The following CDH13 variants were observed in gnomAD, a reference collection of about 807,000 sequenced individuals.
The protein encoded by CDH13 is cadherin-13.
In CDH13, 24 loss-of-function variants were observed where a neutral mutation model predicts 63.8. The observed-to-expected ratio is 0.38, with a 90% CI of 0.27 to 0.53. The LOEUF (loss-of-function observed/expected upper bound fraction) is 0.53. Among genes scored for constraint, CDH13 ranks in the 20% least tolerant of loss-of-function variants. The probability of loss-of-function intolerance (pLI) is 0.85; values close to 1 mark genes in which losing one functional copy is unlikely to be tolerated. For missense variants in CDH13, 1,049 were observed against 903.1 expected, an observed-to-expected ratio of 1.16 and a Z score of -2.07; for synonymous variants, 503 against 355.3, an observed-to-expected ratio of 1.42 and a Z score of -4.67.
At chr16:83,010,392 C>T (rs117667320) in intron 2 of CDH13, among the ~76,000 whole-genome samples, 12 of 151,996 alleles carry the variant, frequency 7.9e-5, no homozygotes, top group East Asian at 1.9e-4. Context: ...CAGAGATGCA[C>T]GACTGTCAGA....
intron 10 of CDH13, among the ~76,000 whole-genome samples, chr16:83,681,912 A>G (rs1013677381): frequency 4.6e-5 from 7 of 152,138 alleles, no homozygotes; most frequent in Non-Finnish European, 1.0e-4. Context: ...ATGATTCTTC[A>G]GGGAGCAGGC....
At chr16:83,072,888 C>G (rs3935907) in intron 3 of CDH13, among the ~76,000 whole-genome samples, 18,054 of 152,184 alleles carry the variant, frequency 0.12, 1,186 homozygotes, top group African/African-American at 0.18. Context: ...TGGAGGATTT[C>G]TAACATTTCT....
At chr16:83,065,169 T>C (rs892759245) in intron 3 of CDH13, among the ~76,000 whole-genome samples, 3 of 152,200 alleles carry the variant, frequency 2.0e-5, no homozygotes, top group African/African-American at 7.2e-5. Flanking sequence ...GGTGATATAC[T>C]GGACAGCACA....
intron 3 of CDH13, among the ~76,000 whole-genome samples, chr16:83,113,274 A>G (rs920143120): frequency 1.3e-5 from 2 of 152,254 alleles, no homozygotes; most frequent in African/African-American, 4.8e-5. Context: ...AGATTTCTCT[A>G]TTAAAGACAA....
intron 12 of CDH13, among the ~76,000 whole-genome samples, chr16:83,782,660 C>G (rs925487091): frequency 1.3e-5 from 2 of 150,662 alleles, no homozygotes; most frequent in Admixed American, 6.6e-5. Context: ...CATTTGAACC[C>G]AGGATGCGGA....
At chr16:83,076,541 A>C (rs184402670) in intron 3 of CDH13, among the ~76,000 whole-genome samples, 1 of 152,280 alleles carries the variant, frequency 6.6e-6, no homozygotes, top group Non-Finnish European at 1.5e-5. Flanking sequence ...AGTTGAAAGA[A>C]TTTTACACTA....
intron 6 of CDH13, among the ~76,000 whole-genome samples, chr16:83,407,784 T>C (rs1271852246): frequency 6.6e-6 from 1 of 152,238 alleles, no homozygotes; most frequent in Non-Finnish European, 1.5e-5. Flanking sequence ...ATTGAAGCCC[T>C]TTCCAGCATT....
At chr16:83,149,053 A>C (rs1317443566) in intron 4 of CDH13, among the ~76,000 whole-genome samples, 1 of 152,226 alleles carries the variant, frequency 6.6e-6, no homozygotes, top group African/African-American at 2.4e-5. Context: ...GAAGTATAGA[A>C]TCATAGTGGA....
intron 1 of CDH13, among the ~76,000 whole-genome samples, chr16:82,732,803 G>T (rs980058457): frequency 6.6e-6 from 1 of 152,132 alleles, no homozygotes. Flanking sequence ...AGTCACTTTG[G>T]ATTTCTGGTT....
At chr16:83,511,059 C>A (rs1483289155) in intron 7 of CDH13, among the ~76,000 whole-genome samples, 1 of 95,078 alleles carries the variant, frequency 1.1e-5, no homozygotes, top group Non-Finnish European at 2.1e-5. Flanking sequence ...TGTGCACACA[C>A]AGACACGCAC....
chr16:82,780,679 C>A (rs528617778), intron 1 of CDH13, among the ~76,000 whole-genome samples: 1 of 152,322 alleles, frequency 6.6e-6, no homozygotes, highest in South Asian at 2.1e-4. Context: ...TTAGAAATAA[C>A]TTACTAAAAT....
chr16:83,271,284 T>G (rs1179617730), intron 5 of CDH13, among the ~76,000 whole-genome samples: 2 of 151,636 alleles, frequency 1.3e-5, no homozygotes, highest in Non-Finnish European at 2.9e-5. Flanking sequence ...GTATTTCCAG[T>G]AATGTGGGTG....
At chr16:83,559,761 C>G (rs762643006) in intron 7 of CDH13, among the ~76,000 whole-genome samples, 1 of 152,160 alleles carries the variant, frequency 6.6e-6, no homozygotes, top group Non-Finnish European at 1.5e-5. Flanking sequence ...GGCCAAGCAA[C>G]TTTCTTACTG....
chr16:82,755,760 G>A (rs959848004), intron 1 of CDH13, among the ~76,000 whole-genome samples: 3 of 152,182 alleles, frequency 2.0e-5, no homozygotes, highest in African/African-American at 4.8e-5. Context: ...CCGTTGTGGC[G>A]GGATTGACCA....
intron 2 of CDH13, among the ~76,000 whole-genome samples, chr16:82,864,893 C>G (rs1436250885): frequency 2.6e-5 from 4 of 152,174 alleles, no homozygotes. Flanking sequence ...ATCAAGTTAG[C>G]TGCTTCCTGG....
intron 1 of CDH13, among the ~76,000 whole-genome samples, chr16:82,786,957 A>C (rs1168618608): frequency 6.6e-6 from 1 of 152,152 alleles, no homozygotes. Flanking sequence ...CTACTTGTGC[A>C]TGGCTTCAAA....
intron 1 of CDH13, among the ~76,000 whole-genome samples, chr16:82,676,977 A>C (rs1290924114): frequency 1.3e-5 from 2 of 152,114 alleles, no homozygotes; most frequent in Non-Finnish European, 2.9e-5. Context: ...TCCGCCTCCC[A>C]GGTTCAAGCG....
At chr16:83,072,302 T>G (rs2032497999) in intron 3 of CDH13, among the ~76,000 whole-genome samples, 1 of 152,196 alleles carries the variant, frequency 6.6e-6, no homozygotes, top group African/African-American at 2.4e-5. Context: ...TTGCAATCGT[T>G]TAGTTAATCT....
At chr16:83,699,922 A>G (rs1286913652) in intron 10 of CDH13, among the ~76,000 whole-genome samples, 1 of 151,970 alleles carries the variant, frequency 6.6e-6, no homozygotes, top group Non-Finnish European at 1.5e-5. Context: ...TCTCTTTTTA[A>G]ACAGCTCCAT....
Sources: allele counts gnomAD v4.1 joint callset (sites outside exome capture counted in the v4.1 genomes callset), GRCh38; gene constraint gnomAD v4.1.1; transcripts MANE v1.5; gene names NCBI Gene and HGNC (gene_info 2026-07-23, HGNC 2026-07-21).